Variants in CSMD3 observed in about 807,000 individuals in gnomAD.
The protein encoded by CSMD3 is CUB and sushi domain-containing protein 3.
In CSMD3, 177 loss-of-function variants were observed where a neutral mutation model predicts 435.2. The ratio of observed to expected loss-of-function variants is 0.41; its 90% CI spans 0.36 to 0.46. The LOEUF (loss-of-function observed/expected upper bound fraction) is 0.46, where lower values mean the gene tolerates loss of function less well. CSMD3 is among the 20% of genes least tolerant of loss of function. The probability of loss-of-function intolerance (pLI) is 0.34; values close to 1 mark genes in which losing one functional copy is unlikely to be tolerated. For synonymous variants in CSMD3, 1,656 were observed against 1,520.5 expected (o/e 1.09, Z -2.07); for missense variants, 4,265 against 4,504.6 (o/e 0.95, Z 1.52).
intron 2 of CSMD3, chr8:113,310,339 A>G (rs927694136): frequency 6.6e-6 from 1 of 151,990 alleles, no homozygotes; most frequent in African/African-American, 2.4e-5. Context: ...AATGAAATGA[A>G]TCTTTAAATA....
intron 6 of CSMD3, among the ~76,000 whole-genome samples, chr8:112,993,712 AGTGACTG>A (rs2085539080): frequency 1.3e-5 from 2 of 151,798 alleles, no homozygotes; most frequent in Admixed American, 6.6e-5. Context: ...CATAATAGAG[AGTGACTG>A]GTACCTGGTC....
At chr8:112,427,853 C>T (rs1381057090) in intron 32 of CSMD3, among the ~76,000 whole-genome samples, 1 of 152,120 alleles carries the variant, frequency 6.6e-6, no homozygotes. Context: ...CAATGCAGGC[C>T]CACACCATCT....
intron 6 of CSMD3, among the ~76,000 whole-genome samples, chr8:112,977,003 CTAAT>C (rs1268501972): frequency 1.3e-5 from 2 of 151,818 alleles, no homozygotes; most frequent in African/African-American, 4.8e-5. Flanking sequence ...CATTTTTATT[CTAAT>C]TAAATATTTT....
At chr8:113,195,633 C>T (rs1192610481) in intron 3 of CSMD3, among the ~76,000 whole-genome samples, 2 of 150,334 alleles carry the variant, frequency 1.3e-5, no homozygotes, top group Non-Finnish European at 3.0e-5. Flanking sequence ...TAATGTACAA[C>T]AGACTGCATT....
chr8:112,879,283 T>C (rs918651995), intron 10 of CSMD3, among the ~76,000 whole-genome samples: 2 of 152,104 alleles, frequency 1.3e-5, no homozygotes, highest in African/African-American at 4.8e-5. Flanking sequence ...AGATAAGAGA[T>C]GAAACATGCC....
intron 7 of CSMD3, among the ~76,000 whole-genome samples, chr8:112,964,790 A>T (rs961146127): frequency 7.9e-5 from 12 of 151,978 alleles, no homozygotes; most frequent in African/African-American, 2.9e-4. Flanking sequence ...AGAATAATTT[A>T]AATAAAGAGA....
At chr8:112,533,780 C>T (rs1377635827) in intron 27 of CSMD3, among the ~76,000 whole-genome samples, 1 of 152,036 alleles carries the variant, frequency 6.6e-6, no homozygotes, top group Non-Finnish European at 1.5e-5. Flanking sequence ...ACCTACTTGA[C>T]ATTTACAAAA....
intron 10 of CSMD3, among the ~76,000 whole-genome samples, chr8:112,875,547 A>G (rs2081258793): frequency 6.6e-6 from 1 of 152,102 alleles, no homozygotes; most frequent in Admixed American, 6.6e-5. Context: ...TGTCACTTTC[A>G]TGTACAGCAA....
At chr8:113,337,206 A>G (rs933336273) in intron 1 of CSMD3, among the ~76,000 whole-genome samples, 3 of 152,112 alleles carry the variant, frequency 2.0e-5, no homozygotes, top group African/African-American at 7.2e-5. Context: ...TGTTCTTTAG[A>G]TGTCAAGTTC....
intron 27 of CSMD3, among the ~76,000 whole-genome samples, chr8:112,537,543 G>T (rs1826240653): frequency 6.6e-6 from 1 of 151,856 alleles, no homozygotes; most frequent in South Asian, 2.1e-4. Context: ...GCCAAAAAAT[G>T]AGACATTAAA....
intron 54 of CSMD3, among the ~76,000 whole-genome samples, chr8:112,294,556 G>C (rs997002604): frequency 5.5e-4 from 83 of 152,142 alleles, no homozygotes; most frequent in African/African-American, 1.9e-3. Flanking sequence ...AGATGTACTA[G>C]AGTTTATCAT....
intron 28 of CSMD3, among the ~76,000 whole-genome samples, chr8:112,510,334 C>T (rs1170516300): frequency 6.6e-6 from 1 of 152,142 alleles, no homozygotes; most frequent in Non-Finnish European, 1.5e-5. Flanking sequence ...TGATCTGACC[C>T]ATACAGTCTT....
chr8:112,986,709 A>T (rs2085267296), intron 6 of CSMD3, among the ~76,000 whole-genome samples: 1 of 152,120 alleles, frequency 6.6e-6, no homozygotes, highest in Admixed American at 6.6e-5. Context: ...AATCCATAGA[A>T]AATTGAATGG....
chr8:112,791,879 C>A (rs1417388714), intron 13 of CSMD3, among the ~76,000 whole-genome samples: 1 of 152,106 alleles, frequency 6.6e-6, no homozygotes, highest in Non-Finnish European at 1.5e-5. Flanking sequence ...CGCTTCCTTG[C>A]CAAGCCAACA....
intron 1 of CSMD3, among the ~76,000 whole-genome samples, chr8:113,402,582 C>T (rs919541352): frequency 6.6e-6 from 1 of 151,228 alleles, no homozygotes; most frequent in African/African-American, 2.4e-5. Context: ...CAAGTGTAAA[C>T]TTCTGGCCTA....
At chr8:112,501,076 G>A (rs866910451) in intron 30 of CSMD3, among the ~76,000 whole-genome samples, 5 of 151,756 alleles carry the variant, frequency 3.3e-5, no homozygotes, top group African/African-American at 9.7e-5. Flanking sequence ...CCTCTCTTAC[G>A]AAACAGAGAG....
At chr8:112,318,671 A>T (rs1822704289) in intron 47 of CSMD3, among the ~76,000 whole-genome samples, 166 bp downstream of exon 47, 2 of 152,248 alleles carry the variant, frequency 1.3e-5, no homozygotes, top group Non-Finnish European at 2.9e-5. Context: ...TCTGATAAAC[A>T]GTGGACTATT....
chr8:112,991,492 T>C (rs935215028), intron 6 of CSMD3, among the ~76,000 whole-genome samples: 1 of 151,886 alleles, frequency 6.6e-6, no homozygotes, highest in Non-Finnish European at 1.5e-5. Context: ...TTCAGAAAGA[T>C]GGTTTATGCT....
chr8:112,722,340 T>C (rs1230468947), intron 13 of CSMD3, among the ~76,000 whole-genome samples: 4 of 152,162 alleles, frequency 2.6e-5, no homozygotes, highest in African/African-American at 9.7e-5. Context: ...ACTGGGTATA[T>C]TGAAAATGGA....
Sources: allele counts gnomAD v4.1 joint callset (sites outside exome capture counted in the v4.1 genomes callset), GRCh38; gene constraint gnomAD v4.1.1; transcripts MANE v1.5; gene names NCBI Gene and HGNC (gene_info 2026-07-23, HGNC 2026-07-21).